Variants in TCHP observed in about 807,000 individuals in gnomAD.
The protein encoded by TCHP is trichoplein keratin filament binding, also known as trichoplein keratin filament-binding protein.
Under a neutral mutation model 88.7 loss-of-function variants are expected in TCHP, and 81 were observed. The observed-to-expected ratio is 0.91, with a 90% CI of 0.76 to 1.10. The LOEUF is 1.10. Among genes scored for constraint, TCHP ranks in the 50% least tolerant of loss-of-function variants. The probability of loss-of-function intolerance (pLI) is 0.00; values close to 1 mark genes in which losing one functional copy is unlikely to be tolerated. For synonymous variants in TCHP, 232 were observed against 232.5 expected (o/e 1.00, Z 0.02); for missense variants, 641 against 632.1 (o/e 1.01, Z -0.15).
the TCHP span, among the ~76,000 whole-genome samples, chr12:109,883,853 T>G: frequency 2.6e-5 from 4 of 152,192 alleles, no homozygotes; most frequent in African/African-American, 9.7e-5. Flanking sequence ...ATCCATCCAT[T>G]CATCTACCCC....
In TCHP at chr12:109,917,975, A is replaced by G. The variant is rs543997682; in HGVS notation, c.*1352A>G. 1 of 152,290 alleles carries G rather than the reference A, an allele frequency of 6.6e-6. No individual in the cohort carries two copies. The highest frequency in any genetic ancestry group is 2.4e-5 in the African/African-American group (1 of 41,544). The allele number at this position is 152,290 out of a possible 1,614,324, so 9.4% of individuals were successfully genotyped here. A position where few individuals can be genotyped will look rare whatever the true frequency, so the allele number is the denominator to read the frequency against. Reference sequence around the variant, plus strand: ...ATTTTCTTGCAACTCTTTGACTCTGATCCCCTGAGCAGCACGTTCATCACG... The same window carrying G: ...ATTTTCTTGCAACTCTTTGACTCTGGTCCCCTGAGCAGCACGTTCATCACG... On this transcript the variant is annotated 3_prime_UTR_variant, in exon 13 of 13. Coordinates refer to ENST00000405876, the MANE Select transcript of TCHP (RefSeq NM_001143852.2).
intron 9 of TCHP, among the ~76,000 whole-genome samples, chr12:109,911,819 T>C (rs1248480520): frequency 1.3e-5 from 2 of 151,584 alleles, no homozygotes; most frequent in African/African-American, 2.4e-5. Flanking sequence ...TTTTTTGAGA[T>C]AGAGTCTTGC....
rs1870058743 is a variant in TCHP at position 109,905,167 on chromosome 12, A to G, written c.456+374A>G. On this transcript the variant is annotated intron_variant, in intron 4 of 12. Transcript: ENST00000405876. The surrounding 1 kb of genome is among the most constrained non-coding windows in gnomAD (Gnocchi z 4.0). ...TCTGGAGGGGTTGGGGAGGCTTCCC[A>G]GAGGAGTTCCTGGGGTGGAAGAGTT... 2 of 251,202 alleles carry G rather than the reference A, an allele frequency of 8.0e-6. No individual in the cohort carries two copies. Among genetic ancestry groups the G allele is most frequent in the East Asian group, 9.9e-5 (1 of 10,058 alleles). 15.6% of individuals were successfully genotyped at this position (251,202 alleles called of 1,614,324 possible). A position where few individuals can be genotyped will look rare whatever the true frequency, so the allele number is the denominator to read the frequency against.
chr12:109,907,255 C>G (rs542458840), intron 5 of TCHP, among the ~76,000 whole-genome samples: 133 of 152,374 alleles, frequency 8.7e-4, no homozygotes, highest in African/African-American at 3.1e-3. Flanking sequence ...ACTCGCAGCC[C>G]TGGCTTACTG....
chr12:109,890,378 G>A, the TCHP span, among the ~76,000 whole-genome samples: 1 of 152,144 alleles, frequency 6.6e-6, no homozygotes, highest in East Asian at 1.9e-4. Context: ...GGCTGAGGCT[G>A]GAGGATTGCT....
chr12:109,892,821 T>G, the TCHP span, among the ~76,000 whole-genome samples: 3 of 152,188 alleles, frequency 2.0e-5, no homozygotes, highest in African/African-American at 7.2e-5. Context: ...CTAGAGACAC[T>G]GTGAGGATGA....
chr12:109,903,944 G>A lies in TCHP; in HGVS notation c.196G>A (p.Ala66Thr), dbSNP rs1414231682. 4 of 1,606,142 alleles carry A rather than the reference G, an allele frequency of 2.5e-6. No homozygotes were observed. The highest frequency in any genetic ancestry group is 4.5e-5 in the East Asian group (2 of 44,714). The stretch of plus-strand genomic sequence containing the variant: ...AGGCCCCCTCTCACCCAGCATGCAT[G>A]CCTATCAGCGGGAGAAGATGAAGGA... ...SKTSYQRSMHAYQREKMKEEK... is the reference protein window; with the variant it reads ...SKTSYQRSMHTYQREKMKEEK... The change falls in exon 3 of 13, where the codon GCC (alanine) becomes ACC (threonine). Residue 66 changes from alanine to threonine, a missense_variant. Coordinates refer to ENST00000405876, the MANE Select transcript of TCHP (RefSeq NM_001143852.2). This position sits in a 1 kb window ranked among gnomAD's most constrained non-coding sequence, Gnocchi z 4.6.
At chr12:109,902,070 C>T (rs1869829186) in intron 1 of TCHP, among the ~76,000 whole-genome samples, 1 of 152,202 alleles carries the variant, frequency 6.6e-6, no homozygotes. Context: ...GCATAAATGC[C>T]CCCGATGTGC....
At chr12:109,908,720 C>G (rs762068032) in intron 7 of TCHP, 22 bp downstream of exon 7, 5 of 1,578,668 alleles carry the variant, frequency 3.2e-6, no homozygotes, top group Admixed American at 1.9e-5. Context: ...AAGGGCCCCC[C>G]ACTCTTCCCA....
chr12:109,901,643 A>T (rs943205338), intron 1 of TCHP, among the ~76,000 whole-genome samples: 1 of 152,228 alleles, frequency 6.6e-6, no homozygotes, highest in Non-Finnish European at 1.5e-5. Context: ...ACATTTTATG[A>T]AAGATTTAGA....
At chr12:109,894,317 G>A in the TCHP span, among the ~76,000 whole-genome samples, 655 of 151,778 alleles carry the variant, frequency 4.3e-3, 18 homozygotes, top group East Asian at 0.058. Flanking sequence ...AAAATTAGCC[G>A]GGCGTGGTGG....
At chr12:109,887,422 AC>A in the TCHP span, among the ~76,000 whole-genome samples, 6 of 151,228 alleles carry the variant, frequency 4.0e-5, no homozygotes, top group Non-Finnish European at 5.9e-5. Context: ...AAAAAAAAAA[AC>A]AAAAAAAAAA....
chr12:109,905,023 A>G lies in TCHP; in HGVS notation c.456+230A>G. The G allele has an allele frequency of 3.7e-6, 2 of 541,238 alleles. No homozygotes were observed. Among genetic ancestry groups the G allele is most frequent in the South Asian group, 4.3e-5 (2 of 46,082 alleles). 33.5% of individuals were successfully genotyped at this position (541,238 alleles called of 1,614,324 possible). A position where few individuals can be genotyped will look rare whatever the true frequency, so the allele number is the denominator to read the frequency against. Reference sequence around the variant, plus strand: ...GCTGCCTGGTCTGCCAGGTGCGGGCATGGAGATTAGACATGGTTTCTGCTC... The same window carrying G: ...GCTGCCTGGTCTGCCAGGTGCGGGCGTGGAGATTAGACATGGTTTCTGCTC... On this transcript the variant is annotated intron_variant, in intron 4 of 12. Coordinates refer to ENST00000405876, the MANE Select transcript of TCHP (RefSeq NM_001143852.2). The surrounding 1 kb of genome is among the most constrained non-coding windows in gnomAD (Gnocchi z 4.0).
chr12:109,899,713 A>G (rs1316496046), upstream of TCHP, among the ~76,000 whole-genome samples: 87 of 152,166 alleles, frequency 5.7e-4, 1 homozygote, highest in Non-Finnish European at 1.0e-4. Flanking sequence ...CATTGAACAC[A>G]CCTGGGGAAT....
At chr12:109,891,570 T>A in the TCHP span, among the ~76,000 whole-genome samples, 7 of 138,046 alleles carry the variant, frequency 5.1e-5, no homozygotes, top group South Asian at 9.0e-4. Flanking sequence ...ATTTTTTGGG[T>A]TTTTTTTTTT....
intron 9 of TCHP, among the ~76,000 whole-genome samples, chr12:109,911,592 A>G (rs1218405383): frequency 6.9e-6 from 1 of 145,808 alleles, no homozygotes; most frequent in African/African-American, 2.6e-5. Context: ...AGCCTGGGTG[A>G]CAGAACGAGA....
rs998671288 is a variant in TCHP at position 109,916,578 on chromosome 12, T to C, written c.1465-13T>C. The C allele has an allele frequency of 1.9e-6, 3 of 1,612,746 alleles. No homozygotes were observed. The highest frequency in any genetic ancestry group is 1.7e-6 in the Non-Finnish European group (2 of 1,179,500). On this transcript the variant is annotated splice_polypyrimidine_tract_variant and intron_variant, in intron 12 of 12. Transcript: ENST00000405876. Reference sequence around the variant, plus strand: ...CTGATCTGATCACTCTTATGTTTTCTTTCTTTTCTCAGCCTTACGGACATC... The same window carrying C: ...CTGATCTGATCACTCTTATGTTTTCCTTCTTTTCTCAGCCTTACGGACATC...
chr12:109,885,118 G>T, the TCHP span, among the ~76,000 whole-genome samples: 1 of 152,026 alleles, frequency 6.6e-6, no homozygotes, highest in Admixed American at 6.6e-5. Flanking sequence ...ACAGGCACCT[G>T]CCACCACACC....
chr12:109,895,205 C>CTTT, the TCHP span, among the ~76,000 whole-genome samples: 4 of 130,234 alleles, frequency 3.1e-5, no homozygotes, highest in Non-Finnish European at 3.3e-5. Context: ...TCAAGAATTA[C>CTTT]TTTTTTTTTT....
Sources: allele counts gnomAD v4.1 joint callset (sites outside exome capture counted in the v4.1 genomes callset), GRCh38; gene constraint gnomAD v4.1.1; non-coding constraint Gnocchi (gnomAD v3.1); transcripts MANE v1.5; gene names NCBI Gene and HGNC (gene_info 2026-07-23, HGNC 2026-07-21).